PTPRD: variants seen among roughly 807,000 people sequenced by gnomAD.
PTPRD encodes the protein protein tyrosine phosphatase receptor type D.
A neutral mutation model predicts 214.5 loss-of-function variants in PTPRD; 34 were observed. The ratio of observed to expected loss-of-function variants is 0.16; its 90% CI spans 0.12 to 0.21. The LOEUF is 0.21. PTPRD is among the 10% of genes least tolerant of loss of function. PTPRD has a pLI of 1.00. For synonymous variants in PTPRD, 1,128 were observed against 845.7 expected, an observed-to-expected ratio of 1.33 and a Z score of -5.79; for missense variants, 2,545 against 2,398.7, an observed-to-expected ratio of 1.06 and a Z score of -1.27.
intron 3 of PTPRD, among the ~76,000 whole-genome samples, chr9:10,051,457 A>C (rs1029714864): frequency 1.4e-4 from 21 of 151,240 alleles, no homozygotes; most frequent in Admixed American, 1.2e-3. Context: ...TTTACATTTT[A>C]TTATTATTAT....
chr9:8,859,376 C>G (rs979728724), intron 11 of PTPRD, among the ~76,000 whole-genome samples: 1 of 152,192 alleles, frequency 6.6e-6, no homozygotes. Flanking sequence ...TTTTAACCTT[C>G]TTCACTACTC....
At chr9:9,785,280 G>T (rs1041891192) in intron 5 of PTPRD, among the ~76,000 whole-genome samples, 2 of 151,920 alleles carry the variant, frequency 1.3e-5, no homozygotes, top group South Asian at 2.1e-4. Context: ...AAAATTACTG[G>T]GTGAAGCAGG....
intron 11 of PTPRD, among the ~76,000 whole-genome samples, chr9:8,754,553 A>T (rs1419654146): frequency 6.6e-6 from 1 of 152,206 alleles, no homozygotes; most frequent in Non-Finnish European, 1.5e-5. Flanking sequence ...TATCTGCATG[A>T]AGAAAAACAT....
chr9:9,863,042 G>C (rs2063136605), intron 5 of PTPRD, among the ~76,000 whole-genome samples: 1 of 152,082 alleles, frequency 6.6e-6, no homozygotes, highest in African/African-American at 2.4e-5. Flanking sequence ...GCTCTTTTTT[G>C]AGATTTTTTA....
At chr9:8,918,545 G>A (rs1036161054) in intron 11 of PTPRD, among the ~76,000 whole-genome samples, 27 of 151,960 alleles carry the variant, frequency 1.8e-4, no homozygotes, top group African/African-American at 2.4e-4. Context: ...GCAGCACTAC[G>A]AGAGAGAGAG....
chr9:9,314,751 T>G lies in PTPRD; in HGVS notation c.-203+82698A>C, dbSNP rs551031466. On this transcript the variant is annotated intron_variant, in intron 9 of 45. Transcript: ENST00000381196. ...AGCCAGTGTCGAAATGAATGGTTTTTATTTTCATTCTCTAATTTAACAAAA... is the reference window on the plus strand; with the variant it reads ...AGCCAGTGTCGAAATGAATGGTTTTGATTTTCATTCTCTAATTTAACAAAA... Among the ~76,000 whole-genome samples the G allele has an allele frequency of 4.6e-5, 7 of 152,244 alleles. No homozygotes were observed. The South Asian group carries it at 1.4e-3, about 32-fold the overall frequency.
chr9:8,994,095 C>G (rs963895455), intron 11 of PTPRD, among the ~76,000 whole-genome samples: 24 of 152,076 alleles, frequency 1.6e-4, no homozygotes, highest in African/African-American at 5.5e-4. Flanking sequence ...CAGAAAGATG[C>G]TGAGTAGAAC....
intron 5 of PTPRD, among the ~76,000 whole-genome samples, chr9:9,909,683 T>A (rs1424772347): frequency 3.3e-5 from 5 of 151,912 alleles, no homozygotes; most frequent in Non-Finnish European, 2.9e-5. Flanking sequence ...TTCTTTATAG[T>A]GCATTTATAT....
At chr9:9,144,630 G>A (rs1399583759) in intron 10 of PTPRD, among the ~76,000 whole-genome samples, 1 of 152,034 alleles carries the variant, frequency 6.6e-6, no homozygotes, top group Admixed American at 6.6e-5. Context: ...GCACGCGCCT[G>A]TAATCCCAGC....
chr9:9,905,194 T>C (rs1441685442), intron 5 of PTPRD, among the ~76,000 whole-genome samples: 1 of 151,992 alleles, frequency 6.6e-6, no homozygotes, highest in African/African-American at 2.4e-5. Context: ...TACACATACG[T>C]ATGTATGTTT....
chr9:10,415,222 T>C (rs1470427230), intron 2 of PTPRD, among the ~76,000 whole-genome samples: 3 of 151,860 alleles, frequency 2.0e-5, no homozygotes, highest in African/African-American at 4.8e-5. Context: ...TAAAGGGTAA[T>C]TGAGATTATA....
At chr9:10,387,299 T>C (rs948238508) in intron 2 of PTPRD, among the ~76,000 whole-genome samples, 1 of 151,884 alleles carries the variant, frequency 6.6e-6, no homozygotes, top group Admixed American at 6.6e-5. Context: ...TTCAGTGACA[T>C]GAGCCATATG....
intron 8 of PTPRD, among the ~76,000 whole-genome samples, chr9:9,432,906 C>A (rs1366988305): frequency 6.6e-6 from 1 of 152,048 alleles, no homozygotes; most frequent in African/African-American, 2.4e-5. Context: ...GTTATAATTC[C>A]CAGAGTTGCA....
chr9:9,242,290 T>G (rs530510352), intron 9 of PTPRD, among the ~76,000 whole-genome samples: 2 of 152,182 alleles, frequency 1.3e-5, no homozygotes, highest in South Asian at 2.1e-4. Flanking sequence ...TTTTCCTTCA[T>G]GTCAACTTTG....
rs35010562 is a variant in PTPRD at position 9,524,850 on chromosome 9, C to CTTGT, written c.-237+49878_-237+49881dup. Among the ~76,000 whole-genome samples, 898 of 151,896 alleles carry CTTGT rather than the reference C, an allele frequency of 5.9e-3. 7 individuals carry two copies. Among genetic ancestry groups the CTTGT allele is most frequent in the African/African-American group, 0.019 (784 of 41,434 alleles). ...GGGTGATAGGAGTTTTGTTTGCTTG[C>CTTGT]TTGTTTGTTTGTTTGTTTGTTTGTT... On this transcript the variant is annotated intron_variant, in intron 8 of 45. Transcript: ENST00000381196.
Position 8,942,231 on chromosome 9 carries a change from T to C in PTPRD, c.-104+76466A>G, listed in dbSNP as rs115766622. Among the ~76,000 whole-genome samples, 598 of 152,344 alleles carry C rather than the reference T, an allele frequency of 3.9e-3. 10 individuals are homozygous for C. The highest frequency in any genetic ancestry group is 0.014 in the African/African-American group (569 of 41,580). ...CTTTTTTTTGCCCCCCTGTCTATCA[T>C]CTTGTAACTAGCAAGCACTTTAACA... is the stretch of plus-strand genomic sequence containing the variant. On this transcript the variant is annotated intron_variant, in intron 11 of 45. Transcript: ENST00000381196.
chr9:8,968,163 A>T (rs1224522874), intron 11 of PTPRD, among the ~76,000 whole-genome samples: 1 of 152,094 alleles, frequency 6.6e-6, no homozygotes, highest in East Asian at 1.9e-4. Context: ...ATTGTTGGAC[A>T]TTTGGGTTGG....
chr9:9,755,732 A>G (rs2154471783), intron 6 of PTPRD, among the ~76,000 whole-genome samples: 1 of 152,096 alleles, frequency 6.6e-6, no homozygotes, highest in East Asian at 1.9e-4. Flanking sequence ...AAAACACCTG[A>G]GGTTCTGATA....
chr9:9,019,126 T>C (rs2099549161), intron 10 of PTPRD, among the ~76,000 whole-genome samples: 1 of 152,116 alleles, frequency 6.6e-6, no homozygotes, highest in Non-Finnish European at 1.5e-5. Context: ...GGAGTATTTC[T>C]TGTGTTGAAA....
Sources: allele counts gnomAD v4.1 joint callset (sites outside exome capture counted in the v4.1 genomes callset), GRCh38; gene constraint gnomAD v4.1.1; transcripts MANE v1.5; gene names NCBI Gene and HGNC (gene_info 2026-07-23, HGNC 2026-07-21).